Variants in SCARB1 observed in about 807,000 individuals in gnomAD.
SCARB1 encodes CD36 and LIMPII analogous 1.
SCARB1 carries 30 observed loss-of-function variants against 57.2 expected under a neutral mutation model. That is an observed-to-expected ratio of 0.52 (90% CI 0.39 to 0.71). The LOEUF (loss-of-function observed/expected upper bound fraction) is 0.71, where lower values mean the gene tolerates loss of function less well. SCARB1 is among the 30% of genes least tolerant of loss of function. The pLI is 0.00. For missense variants in SCARB1, 543 were observed against 671.2 expected, an observed-to-expected ratio of 0.81 and a Z score of 2.11; for synonymous variants, 249 against 268.3, an observed-to-expected ratio of 0.93 and a Z score of 0.70.
chr12:124,779,929 C>T (rs2135515060), intron 12 of SCARB1, among the ~76,000 whole-genome samples: 1 of 152,346 alleles, frequency 6.6e-6, no homozygotes, highest in South Asian at 2.1e-4. Flanking sequence ...CAGCACAGGA[C>T]ACCCACAGGT....
At position 124,777,478 on chromosome 12, in the gene SCARB1, C is replaced by T. The variant is rs569453914; in HGVS notation, c.*1109G>A. The T allele has an allele frequency of 3.3e-5, 5 of 152,228 alleles. No individual in the cohort carries two copies. In the South Asian group the frequency reaches 8.3e-4, roughly 25 times the overall value. The allele number at this position is 152,228 out of a possible 1,614,324, so 9.4% of individuals were successfully genotyped here. A position where few individuals can be genotyped will look rare whatever the true frequency, so the allele number is the denominator to read the frequency against. ...GCACAAGGTTGAAATTTGAAAACAA[C>T]AGGAAGGTAAGCCAGCAGCCCGGCC... is the stretch of plus-strand genomic sequence containing the variant. On this transcript the variant is annotated 3_prime_UTR_variant, in exon 13 of 13. Coordinates refer to ENST00000261693, the MANE Select transcript of SCARB1 (RefSeq NM_005505.5).
chr12:124,808,509 G>C (rs1189357037), intron 6 of SCARB1, among the ~76,000 whole-genome samples: 1 of 152,098 alleles, frequency 6.6e-6, no homozygotes, highest in Non-Finnish European at 1.5e-5. Context: ...CAGGCCCTTT[G>C]CATCACTGCT....
chr12:124,861,183 G>C (rs1232045523), intron 1 of SCARB1, among the ~76,000 whole-genome samples: 2 of 152,088 alleles, frequency 1.3e-5, no homozygotes, highest in African/African-American at 2.4e-5. Flanking sequence ...ACCAAGATCT[G>C]CAGATGCTCA....
rs1233368905 is a variant in SCARB1 at position 124,782,151 on chromosome 12, C to T, written c.*532G>A. Among the ~76,000 whole-genome samples, 5 of 152,242 alleles carry T rather than the reference C, an allele frequency of 3.3e-5. 1 individual carries two copies. The South Asian group carries it at 6.2e-4, about 19-fold the overall frequency. On this transcript the variant is annotated intron_variant, in intron 12 of 12. Coordinates refer to ENST00000261693, the MANE Select transcript of SCARB1 (RefSeq NM_005505.5). ...CTTGAACTCCTGACCTCAAATGATC[C>T]ACCTGCTTCGGCCTCCCAAAGTGCT...
chr12:124,862,281 G>C (rs545438211), intron 1 of SCARB1: 2 of 152,162 alleles, frequency 1.3e-5, no homozygotes, highest in African/African-American at 4.8e-5. Flanking sequence ...ACCATCCACC[G>C]GGACCTCTTT....
intron 12 of SCARB1, among the ~76,000 whole-genome samples, chr12:124,780,769 G>A (rs1157368119): frequency 6.6e-6 from 1 of 152,214 alleles, no homozygotes; most frequent in Non-Finnish European, 1.5e-5. Context: ...TCCTGGTTAT[G>A]TCCAGGGAGG....
chr12:124,800,878 A>T lies in SCARB1; in HGVS notation c.1010-636T>A, dbSNP rs1486780290. On this transcript the variant is annotated intron_variant, in intron 7 of 12. Coordinates refer to ENST00000261693, the MANE Select transcript of SCARB1 (RefSeq NM_005505.5). The surrounding 1 kb of genome is among the most constrained non-coding windows in gnomAD (Gnocchi z 4.8). ...GGACAATGGACAACAGGCCTGAAGG[A>T]CAAGTTAACAAGGAACAGCGAGCGG... 6.6e-6 allele frequency among the ~76,000 whole-genome samples: 1 copy of T among 152,200 alleles called. No homozygotes were observed. The highest frequency in any genetic ancestry group is 2.4e-5 in the African/African-American group (1 of 41,438).
At chr12:124,801,025 T>G (rs1950111078) in intron 7 of SCARB1, among the ~76,000 whole-genome samples, 1 of 152,048 alleles carries the variant, frequency 6.6e-6, no homozygotes, top group Non-Finnish European at 1.5e-5. Flanking sequence ...CTGGACAATA[T>G]GGCAAGATCC....
intron 8 of SCARB1, among the ~76,000 whole-genome samples, chr12:124,798,424 A>G (rs1275206880): frequency 6.6e-6 from 1 of 151,902 alleles, no homozygotes; most frequent in Non-Finnish European, 1.5e-5. Context: ...AAATAAATAA[A>G]TAAAAACAGG....
intron 6 of SCARB1, among the ~76,000 whole-genome samples, chr12:124,809,427 T>TTAAA (rs780744209): frequency 6.6e-6 from 1 of 151,940 alleles, no homozygotes; most frequent in Non-Finnish European, 1.5e-5. Context: ...CTCTAAAAAA[T>TTAAA]TAAATAAATA....
At chr12:124,780,339 AG>A (rs1392799235) in intron 12 of SCARB1, among the ~76,000 whole-genome samples, 5 of 152,204 alleles carry the variant, frequency 3.3e-5, no homozygotes, top group African/African-American at 1.2e-4. Flanking sequence ...ATCTGCCCAG[AG>A]GGGCTGTCTT....
chr12:124,858,063 A>T (rs1423131482), intron 1 of SCARB1, among the ~76,000 whole-genome samples: 3 of 152,226 alleles, frequency 2.0e-5, no homozygotes, highest in African/African-American at 7.2e-5. Flanking sequence ...ACCTGAGCAC[A>T]GCTGCATGCC....
chr12:124,802,109 C>A (rs1164443493), intron 7 of SCARB1, among the ~76,000 whole-genome samples: 1 of 143,292 alleles, frequency 7.0e-6, no homozygotes, highest in African/African-American at 2.6e-5. Flanking sequence ...AAGATTGCAC[C>A]ATTGCACTCC....
At chr12:124,778,649 C>CCCCCCCCCCCCCCCCCCTTT in intron 12 of SCARB1, 63 bp from the exon 13 acceptor site, 1 of 1,345,460 alleles carries the variant, frequency 7.4e-7, no homozygotes, top group Non-Finnish European at 9.6e-7. Context: ...ACCCTCATCC[C>CCCCCCCCCCCCCCCCCCTTT]CGCCCACCAC....
intron 9 of SCARB1, among the ~76,000 whole-genome samples, chr12:124,790,209 CT>C (rs1949678217): frequency 6.6e-6 from 1 of 151,766 alleles, no homozygotes; most frequent in African/African-American, 2.4e-5. Context: ...ACCCCTGTCT[CT>C]ACAAAAAAAA....
At position 124,863,608 on chromosome 12, in the gene SCARB1, T is replaced by C; in HGVS notation, c.113A>G (p.Gln38Arg). ...TCCCTCACCCACCTTAAGGACCTGCTGCTTGATGAGCGACGGCACCATCAC... is the reference window on the plus strand; with the variant it reads ...TCCCTCACCCACCTTAAGGACCTGCCGCTTGATGAGCGACGGCACCATCAC... ...MIVMVPSLIK[Q>R]QVLKNVRIDP... The change falls in exon 1 of 13, where the codon CAG becomes CGG. Residue 38 changes from glutamine (Q) to arginine (R), a missense_variant. By Grantham distance (43) the Gln-to-Arg change is conservative (BLOSUM62 1). Coordinates refer to ENST00000261693, the MANE Select transcript of SCARB1 (RefSeq NM_005505.5). 1.2e-6 allele frequency: 2 copies of C among 1,602,788 alleles called. No homozygotes were observed. The highest frequency in any genetic ancestry group is 1.7e-6 in the Non-Finnish European group (2 of 1,174,854).
chr12:124,815,281 C>T (rs1240912799), intron 2 of SCARB1, among the ~76,000 whole-genome samples, 167 bp from the exon 3 acceptor site: 1 of 152,226 alleles, frequency 6.6e-6, no homozygotes, highest in Non-Finnish European at 1.5e-5. Flanking sequence ...CTGTCCCTCC[C>T]GCCGCCTGCC....
At chr12:124,797,840 G>A (rs1949997469) in intron 8 of SCARB1, among the ~76,000 whole-genome samples, 1 of 152,260 alleles carries the variant, frequency 6.6e-6, no homozygotes, top group Non-Finnish European at 1.5e-5. Context: ...GTGCAGAACA[G>A]CATCCGCCAT....
intron 8 of SCARB1, 128 bp downstream of exon 8, chr12:124,799,996 G>A (rs1393381028): frequency 5.8e-5 from 44 of 762,840 alleles, no homozygotes; most frequent in Non-Finnish European, 9.6e-5. Context: ...TTGGTGGCTC[G>A]AGATTCTAGA....
Sources: gnomAD v4.1 joint callset for allele counts (sites outside exome capture counted in the v4.1 genomes callset) on GRCh38, gnomAD v4.1.1 for gene constraint, Gnocchi (gnomAD v3.1) non-coding constraint, MANE v1.5 for transcripts, NCBI Gene and HGNC (gene_info 2026-07-23, HGNC 2026-07-21) for gene names.